RAP1GAP2: variants seen among roughly 807,000 people sequenced by gnomAD.
RAP1GAP2 encodes the protein rap1 GTPase-activating protein 2.
A neutral mutation model predicts 95.0 loss-of-function variants in RAP1GAP2; 27 were observed. That is an observed-to-expected ratio of 0.28 (90% CI 0.21 to 0.39). The LOEUF (loss-of-function observed/expected upper bound fraction) is 0.39. Among genes scored for constraint, RAP1GAP2 ranks in the 10% least tolerant of loss-of-function variants. The probability of loss-of-function intolerance (pLI) is 1.00; values close to 1 mark genes in which losing one functional copy is unlikely to be tolerated. For missense variants in RAP1GAP2, 771 were observed against 970.0 expected (o/e 0.79, Z 2.72); for synonymous variants, 373 against 380.9 (o/e 0.98, Z 0.24).
chr17:2,933,308 G>A (rs894546620), intron 3 of RAP1GAP2, among the ~76,000 whole-genome samples: 24 of 151,948 alleles, frequency 1.6e-4, no homozygotes, highest in Admixed American at 5.9e-4. Flanking sequence ...AGTGCCTGGT[G>A]TAGAGAAGAA....
chr17:2,768,918 C>T (rs2068328864), intron 1 of RAP1GAP2, among the ~76,000 whole-genome samples: 1 of 151,828 alleles, frequency 6.6e-6, no homozygotes, highest in South Asian at 2.1e-4. Context: ...AGTAGCCCTT[C>T]TCCTGCTGTG....
chr17:2,796,499 C>T lies in RAP1GAP2; in HGVS notation c.-29C>T. The T allele has an allele frequency of 6.4e-7, 1 of 1,553,336 alleles. No homozygotes were observed. Among genetic ancestry groups the T allele is most frequent in the Admixed American group, 2.0e-5 (1 of 51,142 alleles). ...CCCCGGGGACGTCGTTGGGACATCG[C>T]TGGGACCCCGGGCTCTGCAGCCACA... On this transcript the variant is annotated 5_prime_UTR_variant, in exon 1 of 25. Coordinates refer to ENST00000254695, the MANE Select transcript of RAP1GAP2 (RefSeq NM_015085.5). This position sits in a 1 kb window ranked among gnomAD's most constrained non-coding sequence, Gnocchi z 4.7.
intron 2 of RAP1GAP2, among the ~76,000 whole-genome samples, chr17:2,832,222 A>C (rs1172980547): frequency 6.9e-6 from 1 of 144,010 alleles, no homozygotes. Context: ...AAAAGAAAAC[A>C]AAAAAACCCA....
intron 1 of RAP1GAP2, among the ~76,000 whole-genome samples, chr17:2,789,176 A>G (rs2068861204): frequency 6.6e-6 from 1 of 151,892 alleles, no homozygotes; most frequent in Non-Finnish European, 1.5e-5. Context: ...CCTCCCAAGT[A>G]GCTGGGACTA....
chr17:2,905,606 G>T (rs1177916052), intron 3 of RAP1GAP2, among the ~76,000 whole-genome samples: 1 of 152,202 alleles, frequency 6.6e-6, no homozygotes, highest in Non-Finnish European at 1.5e-5. Context: ...GGGTTGGCAG[G>T]ACTCTTGGTA....
At chr17:3,007,947 C>A in intron 16 of RAP1GAP2, 64 bp from the exon 17 acceptor site, 1 of 1,567,104 alleles carries the variant, frequency 6.4e-7, no homozygotes, top group Admixed American at 1.7e-5. Flanking sequence ...CTGGAGCTCA[C>A]AAGGAGCAGG....
chr17:2,814,045 G>C (rs1021138087), intron 2 of RAP1GAP2, among the ~76,000 whole-genome samples: 1 of 152,092 alleles, frequency 6.6e-6, no homozygotes, highest in Non-Finnish European at 1.5e-5. Flanking sequence ...AAATCTCCCC[G>C]ACTCCGTTGA....
chr17:2,890,490 C>T (rs926678754), intron 2 of RAP1GAP2, among the ~76,000 whole-genome samples: 2 of 151,494 alleles, frequency 1.3e-5, no homozygotes, highest in African/African-American at 4.9e-5. Flanking sequence ...GATAGGGAAA[C>T]TTTCAGTGCT....
intron 2 of RAP1GAP2, among the ~76,000 whole-genome samples, chr17:2,809,634 CG>C (rs1292610279): frequency 1.3e-5 from 2 of 152,204 alleles, no homozygotes; most frequent in Non-Finnish European, 2.9e-5. Flanking sequence ...GGAAGACTCA[CG>C]GTCCTGTGGA....
chr17:2,857,277 C>A lies in RAP1GAP2; in HGVS notation c.81-48007C>A, dbSNP rs1247243684. On this transcript the variant is annotated intron_variant, in intron 2 of 24. Transcript: ENST00000254695. The surrounding 1 kb of genome is among the most constrained non-coding windows in gnomAD (Gnocchi z 4.0). ...GGTTGTGTGTGGCTTGCAGGGACCACCCAGTGGTCTTTTTCATCCTCCTGC... is the reference window on the plus strand; with the variant it reads ...GGTTGTGTGTGGCTTGCAGGGACCAACCAGTGGTCTTTTTCATCCTCCTGC... Among the ~76,000 whole-genome samples the A allele has an allele frequency of 6.6e-6, 1 of 152,180 alleles. No homozygotes were observed. Among genetic ancestry groups the A allele is most frequent in the Admixed American group, 6.5e-5 (1 of 15,274 alleles).
rs537813556 is a variant in RAP1GAP2 at position 2,915,708 on chromosome 17, AT to A, written c.165+10348del. On this transcript the variant is annotated intron_variant, in intron 3 of 24. Transcript: ENST00000254695. ...TCTTTTAGAAGCTTTATTTTTATTT[AT>A]TTTTTTTGAGACAGAGTCTCGCTCT... is the stretch of plus-strand genomic sequence containing the variant. Among the ~76,000 whole-genome samples the A allele has an allele frequency of 2.8e-3, 426 of 149,990 alleles. 3 individuals are homozygous for A. The highest frequency in any genetic ancestry group is 4.7e-4 in the Non-Finnish European group (32 of 67,692).
At chr17:2,986,029 A>T (rs375883279) in intron 11 of RAP1GAP2, among the ~76,000 whole-genome samples, 58 of 152,242 alleles carry the variant, frequency 3.8e-4, no homozygotes, top group African/African-American at 1.4e-3. Flanking sequence ...ATAGAAATAC[A>T]CCTTCATATA....
intron 4 of RAP1GAP2, among the ~76,000 whole-genome samples, chr17:2,959,904 C>T (rs539581839): frequency 2.6e-5 from 4 of 152,166 alleles, no homozygotes; most frequent in Non-Finnish European, 5.9e-5. Flanking sequence ...GCAGGTGGAT[C>T]GCCTGAGGTC....
intron 2 of RAP1GAP2, among the ~76,000 whole-genome samples, chr17:2,891,635 A>AT (rs1272612871): frequency 6.7e-6 from 1 of 150,174 alleles, no homozygotes; most frequent in Non-Finnish European, 1.5e-5. Context: ...AAGGGTGTGA[A>AT]TTTTTTTGAG....
chr17:2,939,977 G>A (rs942087358), intron 3 of RAP1GAP2, among the ~76,000 whole-genome samples: 3 of 152,272 alleles, frequency 2.0e-5, no homozygotes, highest in Admixed American at 1.3e-4. Flanking sequence ...AGCAGCAGCC[G>A]CCGCCGTGGT....
chr17:2,992,164 C>CTTTT (rs11454789), intron 12 of RAP1GAP2, among the ~76,000 whole-genome samples: 2 of 134,768 alleles, frequency 1.5e-5, no homozygotes, highest in East Asian at 2.2e-4. Context: ...ACAGTCTATG[C>CTTTT]TTTTTTTTTT....
At chr17:2,892,276 G>C (rs1392800886) in intron 2 of RAP1GAP2, among the ~76,000 whole-genome samples, 2 of 152,178 alleles carry the variant, frequency 1.3e-5, no homozygotes, top group Non-Finnish European at 2.9e-5. Context: ...TGGACCCAGA[G>C]ACTCAGGACC....
chr17:2,811,484 C>T (rs1597354707), intron 2 of RAP1GAP2, among the ~76,000 whole-genome samples: 1 of 152,366 alleles, frequency 6.6e-6, no homozygotes, highest in Admixed American at 6.5e-5. Context: ...CTTGGACCCT[C>T]AGCTCTTGGG....
chr17:2,980,199 T>A, intron 8 of RAP1GAP2, 88 bp from the exon 9 acceptor site: 1 of 1,300,488 alleles, frequency 7.7e-7, no homozygotes, highest in Non-Finnish European at 1.1e-6. Flanking sequence ...CTCCTTGGCC[T>A]CCCAAAATGC....
Sources: allele counts gnomAD v4.1 joint callset (sites outside exome capture counted in the v4.1 genomes callset), GRCh38; gene constraint gnomAD v4.1.1; non-coding constraint Gnocchi (gnomAD v3.1); transcripts MANE v1.5; gene names NCBI Gene and HGNC (gene_info 2026-07-23, HGNC 2026-07-21).